PTK7: variants seen among roughly 807,000 people sequenced by gnomAD.
The protein encoded by PTK7 is inactive tyrosine-protein kinase 7.
A neutral mutation model predicts 116.6 loss-of-function variants in PTK7; 39 were observed. The observed-to-expected ratio is 0.33, with a 90% CI of 0.26 to 0.44. The LOEUF is 0.44. Among genes scored for constraint, PTK7 ranks in the 20% least tolerant of loss-of-function variants. The pLI is 1.00. For missense variants in PTK7, 1,169 were observed against 1,425.6 expected (o/e 0.82, Z 2.90); for synonymous variants, 546 against 563.6 (o/e 0.97, Z 0.44).
chr6:43,157,366 T>A lies in PTK7; in HGVS notation c.2722-1451T>A, dbSNP rs866789873. Reference sequence around the variant, plus strand: ...TATATATATATATATATATATATATTTTTTTTTTTCTTTTTTTTTTTTTTT... The same window carrying A: ...TATATATATATATATATATATATATATTTTTTTTTCTTTTTTTTTTTTTTT... On this transcript the variant is annotated intron_variant, in intron 17 of 19. Transcript: ENST00000230419. Among the ~76,000 whole-genome samples the A allele has an allele frequency of 8.4e-3, 466 of 55,362 alleles. 23 individuals carry two copies. The highest frequency in any genetic ancestry group is 0.025 in the African/African-American group (359 of 14,354). The allele number at this position is 55,362 out of a possible 152,430, so 36.3% of individuals were successfully genotyped here. A position where few individuals can be genotyped will look rare whatever the true frequency, so the allele number is the denominator to read the frequency against.
Position 43,141,572 on chromosome 6 carries a change from T to G in PTK7, c.1619-96T>G. 2 of 1,406,932 alleles carry G rather than the reference T, an allele frequency of 1.4e-6. No individual in the cohort carries two copies. Among genetic ancestry groups the G allele is most frequent in the Non-Finnish European group, 2.0e-6 (2 of 1,025,430 alleles). The allele number at this position is 1,406,932 out of a possible 1,614,324, so 87.2% of individuals were successfully genotyped here. A position where few individuals can be genotyped will look rare whatever the true frequency, so the allele number is the denominator to read the frequency against. On this transcript the variant is annotated intron_variant, in intron 10 of 19. Coordinates refer to ENST00000230419, the MANE Select transcript of PTK7 (RefSeq NM_002821.5). This position sits in a 1 kb window ranked among gnomAD's most constrained non-coding sequence, Gnocchi z 4.9. ...TTTGCCTGTGGGTGGTCAGGAGCGA[T>G]GGTGTGTTTTTGAGTAGAGGTGAGG...
intron 7 of PTK7, chr6:43,138,567 G>T: frequency 3.7e-6 from 1 of 271,778 alleles, no homozygotes; most frequent in Non-Finnish European, 6.9e-6. Context: ...AGGCTGAGGT[G>T]GGAAAAATCA....
Position 43,158,799 on chromosome 6 carries a change from G to A in PTK7, c.2722-18G>A. 1.9e-6 allele frequency: 3 copies of A among 1,611,996 alleles called. No homozygotes were observed. Among genetic ancestry groups the A allele is most frequent in the Non-Finnish European group, 2.5e-6 (3 of 1,178,916 alleles). ...GCCTATTCCTGGGCTGCTCTAACAG[G>A]CCCCTTTATCTCTCCAGGTGGCCCT... is the stretch of plus-strand genomic sequence containing the variant. On this transcript the variant is annotated intron_variant, in intron 17 of 19. Transcript: ENST00000230419.
intron 1 of PTK7, among the ~76,000 whole-genome samples, chr6:43,097,978 C>T (rs974138483): frequency 1.1e-4 from 16 of 152,166 alleles, no homozygotes; most frequent in African/African-American, 3.1e-4. Flanking sequence ...TAGCTCAAGA[C>T]GTTTTTGGAT....
At position 43,142,315 on chromosome 6, in the gene PTK7, G is replaced by A; in HGVS notation, c.2047+16G>A. ...TATGTCGTGGGTATGGGCTGGGGAG[G>A]GTTATGCTGCACAGGAAGTGGTGGG... is the stretch of plus-strand genomic sequence containing the variant. On this transcript the variant is annotated intron_variant, in intron 13 of 19. Transcript: ENST00000230419. 2 of 1,613,982 alleles carry A rather than the reference G, an allele frequency of 1.2e-6. No individual in the cohort carries two copies. Among genetic ancestry groups the A allele is most frequent in the Non-Finnish European group, 1.7e-6 (2 of 1,180,020 alleles).
At chr6:43,108,550 C>G (rs1051896730) in intron 1 of PTK7, among the ~76,000 whole-genome samples, 10 of 151,958 alleles carry the variant, frequency 6.6e-5, no homozygotes, top group African/African-American at 2.4e-4. Flanking sequence ...CAGGCGCATA[C>G]CACCATGCCT....
At chr6:43,127,875 G>A (rs1280787364) in intron 1 of PTK7, among the ~76,000 whole-genome samples, 1 of 151,822 alleles carries the variant, frequency 6.6e-6, no homozygotes, top group African/African-American at 2.4e-5. Flanking sequence ...CTTGCAGTGA[G>A]CCAAGATCGC....
intron 10 of PTK7, among the ~76,000 whole-genome samples, chr6:43,140,003 G>T (rs1239177869): frequency 6.6e-6 from 1 of 152,132 alleles, no homozygotes; most frequent in Non-Finnish European, 1.5e-5. Flanking sequence ...AATCCCAGCT[G>T]CTTAGGAGGC....
chr6:43,079,623 C>T (rs370929482), intron 1 of PTK7, among the ~76,000 whole-genome samples: 4 of 152,118 alleles, frequency 2.6e-5, no homozygotes, highest in African/African-American at 9.7e-5. Flanking sequence ...ACAGGGTCTC[C>T]TCTATCACCC....
At chr6:43,088,495 C>T (rs1041780003) in intron 1 of PTK7, among the ~76,000 whole-genome samples, 2 of 151,822 alleles carry the variant, frequency 1.3e-5, no homozygotes, top group Non-Finnish European at 2.9e-5. Context: ...GAGTTCAAGA[C>T]CAGCCTGACC....
At chr6:43,160,438 A>G (rs1241820713) in intron 19 of PTK7, among the ~76,000 whole-genome samples, 1 of 151,986 alleles carries the variant, frequency 6.6e-6, no homozygotes, top group Non-Finnish European at 1.5e-5. Flanking sequence ...CAATACTTCT[A>G]TATTGGTTGG....
intron 16 of PTK7, 115 bp from the exon 17 acceptor site, chr6:43,146,503 T>G: frequency 1.1e-6 from 1 of 922,330 alleles, no homozygotes; most frequent in Non-Finnish European, 1.7e-6. Context: ...CCAGGCTAGC[T>G]TAGGCCTTCT....
chr6:43,120,906 C>T (rs1266758817), intron 1 of PTK7, among the ~76,000 whole-genome samples: 1 of 152,064 alleles, frequency 6.6e-6, no homozygotes, highest in African/African-American at 2.4e-5. Context: ...TTGCTACTTC[C>T]TAAGAGACTC....
chr6:43,160,335 G>T (rs952563904), intron 19 of PTK7, among the ~76,000 whole-genome samples: 1 of 152,138 alleles, frequency 6.6e-6, no homozygotes, highest in South Asian at 2.1e-4. Flanking sequence ...GGTCAGGCTG[G>T]TCTCAAACTC....
intron 1 of PTK7, among the ~76,000 whole-genome samples, chr6:43,091,010 G>A (rs1766920919): frequency 6.6e-6 from 1 of 152,146 alleles, no homozygotes; most frequent in African/African-American, 2.4e-5. Context: ...AACCAAGAAG[G>A]ATCTGTCTGA....
At position 43,129,843 on chromosome 6, in the gene PTK7, G is replaced by A. The variant is rs755297368; in HGVS notation, c.470+14G>A. On this transcript the variant is annotated intron_variant, in intron 3 of 19. Coordinates refer to ENST00000230419, the MANE Select transcript of PTK7 (RefSeq NM_002821.5). The surrounding 1 kb of genome is among the most constrained non-coding windows in gnomAD (Gnocchi z 4.5). ...TGGGCACCCTCGGTAAGGAGTCAGG[G>A]AGGTGGGGATGAAGAGGGTTATTCC... 3.1e-5 allele frequency: 50 copies of A among 1,611,254 alleles called. 1 individual carries two copies. Among genetic ancestry groups the A allele is most frequent in the Admixed American group, 1.2e-4 (7 of 59,996 alleles).
In PTK7 at chr6:43,076,604, A is replaced by G; in HGVS notation, c.79+37A>G. 4 of 1,553,160 alleles carry G rather than the reference A, an allele frequency of 2.6e-6. No homozygotes were observed. Among genetic ancestry groups the G allele is most frequent in the Non-Finnish European group, 3.5e-6 (4 of 1,153,828 alleles). ...AGAGTTGGGGGCACAGAGCTTGGGAAGCGCGGGAGTCCCGTGGGCAAAAGG... is the reference window on the plus strand; with the variant it reads ...AGAGTTGGGGGCACAGAGCTTGGGAGGCGCGGGAGTCCCGTGGGCAAAAGG... On this transcript the variant is annotated intron_variant, in intron 1 of 19. Transcript: ENST00000230419. This position sits in a 1 kb window ranked among gnomAD's most constrained non-coding sequence, Gnocchi z 5.7.
At chr6:43,134,865 A>T (rs1769934734) in intron 7 of PTK7, among the ~76,000 whole-genome samples, 1 of 152,022 alleles carries the variant, frequency 6.6e-6, no homozygotes, top group South Asian at 2.1e-4. Flanking sequence ...CTGGAGGATC[A>T]TTTGAGCTCG....
chr6:43,152,064 G>T (rs891712941), intron 17 of PTK7, among the ~76,000 whole-genome samples: 27 of 151,014 alleles, frequency 1.8e-4, no homozygotes, highest in Non-Finnish European at 3.8e-4. Context: ...AGCCAGGATG[G>T]TCTCGATTTC....
Sources: allele counts gnomAD v4.1 joint callset (sites outside exome capture counted in the v4.1 genomes callset), GRCh38; gene constraint gnomAD v4.1.1; non-coding constraint Gnocchi (gnomAD v3.1); transcripts MANE v1.5; gene names NCBI Gene and HGNC (gene_info 2026-07-23, HGNC 2026-07-21).